PRKD3: variants seen among roughly 807,000 people sequenced by gnomAD.
PRKD3 encodes serine/threonine-protein kinase D3.
PRKD3 carries 47 observed loss-of-function variants against 99.2 expected under a neutral mutation model. The observed-to-expected ratio is 0.47, with a 90% confidence interval of 0.38 to 0.60. PRKD3 has a LOEUF of 0.60. PRKD3 is among the 20% of genes least tolerant of loss of function. The probability of loss-of-function intolerance (pLI) is 0.00; values close to 1 mark genes in which losing one functional copy is unlikely to be tolerated. For missense variants in PRKD3, 1,019 were observed against 1,088.4 expected, an observed-to-expected ratio of 0.94 and a Z score of 0.90; for synonymous variants, 392 against 355.4, an observed-to-expected ratio of 1.10 and a Z score of -1.16.
At chr2:37,266,421 G>A (rs1191556661) in intron 14 of PRKD3, among the ~76,000 whole-genome samples, 1 of 151,712 alleles carries the variant, frequency 6.6e-6, no homozygotes, top group East Asian at 1.9e-4. Flanking sequence ...TGCCTCCCAG[G>A]TACAAGTGAT....
At chr2:37,305,768 A>G (rs1671137104) in intron 2 of PRKD3, among the ~76,000 whole-genome samples, 1 of 152,246 alleles carries the variant, frequency 6.6e-6, no homozygotes, top group Non-Finnish European at 1.5e-5. Context: ...TGGGACTTTA[A>G]GATCACTACA....
At chr2:37,305,985 T>C (rs1229408853) in intron 2 of PRKD3, among the ~76,000 whole-genome samples, 1 of 151,838 alleles carries the variant, frequency 6.6e-6, no homozygotes, top group Non-Finnish European at 1.5e-5. Flanking sequence ...AGTGGCAGAA[T>C]AGCAACTACA....
At chr2:37,253,595 T>C (rs1667691212) in intron 18 of PRKD3, among the ~76,000 whole-genome samples, 1 of 152,146 alleles carries the variant, frequency 6.6e-6, no homozygotes, top group Non-Finnish European at 1.5e-5. Context: ...TTAAAAAAAA[T>C]TTGCTTCAGG....
intron 6 of PRKD3, among the ~76,000 whole-genome samples, chr2:37,283,035 C>T (rs1326237699): frequency 6.6e-6 from 1 of 152,204 alleles, no homozygotes; most frequent in Admixed American, 6.5e-5. Context: ...CTAATAAGGG[C>T]TTTCACATAC....
Position 37,316,217 on chromosome 2 carries a change from GATA to G in PRKD3, c.288+17_288+19del. 6.3e-7 allele frequency: 1 copy of G among 1,579,108 alleles called. No homozygotes were observed. On this transcript the variant is annotated intron_variant, in intron 2 of 18. Coordinates refer to ENST00000234179, the MANE Select transcript of PRKD3 (RefSeq NM_005813.6). ...ATCAGTAACAATATTATTTACTACT[GATA>G]ATAGCACACACAGTACCTTTTGATA...
At chr2:37,260,507 A>AG in intron 14 of PRKD3, 123 bp from the exon 15 acceptor site, 1 of 899,660 alleles carries the variant, frequency 1.1e-6, no homozygotes, top group Non-Finnish European at 1.7e-6. Context: ...AACAAAGCAA[A>AG]CAAAATAAAA....
intron 16 of PRKD3, among the ~76,000 whole-genome samples, chr2:37,257,671 G>GAAAAAA (rs1164110574): frequency 3.5e-5 from 1 of 28,534 alleles, no homozygotes; most frequent in African/African-American, 1.5e-4. Context: ...TGTCTCAAAA[G>GAAAAAA]AAAAAAAAAA....
chr2:37,257,546 G>T (rs1376321850), intron 16 of PRKD3, among the ~76,000 whole-genome samples: 1 of 151,634 alleles, frequency 6.6e-6, no homozygotes, highest in Non-Finnish European at 1.5e-5. Flanking sequence ...GGTGCCTGTA[G>T]TCCCAGCTAC....
intron 11 of PRKD3, among the ~76,000 whole-genome samples, chr2:37,273,001 G>A (rs1669373080): frequency 6.6e-6 from 1 of 151,904 alleles, no homozygotes; most frequent in African/African-American, 2.4e-5. Flanking sequence ...AGGGGGGGAA[G>A]TGGAGTCAAG....
Position 37,253,024 on chromosome 2 carries a change from T to G in PRKD3, c.*153A>C. 1 of 655,364 alleles carries G rather than the reference T, an allele frequency of 1.5e-6. No homozygotes were observed. Among genetic ancestry groups the G allele is most frequent in the Non-Finnish European group, 2.3e-6 (1 of 431,474 alleles). The allele number at this position is 655,364 out of a possible 1,614,324, so 40.6% of individuals were successfully genotyped here. A position where few individuals can be genotyped will look rare whatever the true frequency, so the allele number is the denominator to read the frequency against. ...TATTCAGTTTCCCGCCTGTACCTACTCATTATGAACTACAGTACTGGTGTC... is the reference window on the plus strand; with the variant it reads ...TATTCAGTTTCCCGCCTGTACCTACGCATTATGAACTACAGTACTGGTGTC... On this transcript the variant is annotated 3_prime_UTR_variant, in exon 19 of 19. Coordinates refer to ENST00000234179, the MANE Select transcript of PRKD3 (RefSeq NM_005813.6).
chr2:37,303,745 T>C (rs1366526188), intron 2 of PRKD3, among the ~76,000 whole-genome samples: 1 of 152,224 alleles, frequency 6.6e-6, no homozygotes, highest in East Asian at 1.9e-4. Context: ...CCAGCCAGTA[T>C]GTACTTTTTT....
At chr2:37,293,872 TTATC>T (rs1670558326) in intron 2 of PRKD3, among the ~76,000 whole-genome samples, 2 of 152,176 alleles carry the variant, frequency 1.3e-5, no homozygotes, top group Admixed American at 6.5e-5. Context: ...CAAAATAACT[TTATC>T]TAGTTGATTT....
intron 1 of PRKD3, chr2:37,317,654 CTT>C (rs940714925): frequency 6.6e-6 from 1 of 152,126 alleles, no homozygotes; most frequent in Non-Finnish European, 1.5e-5. Flanking sequence ...AAACATGACT[CTT>C]GACTTGCTTT....
At position 37,320,181 on chromosome 2, in the gene PRKD3, T is replaced by G. The variant is rs142889954; in HGVS notation, c.-655-3002A>C. Among the ~76,000 whole-genome samples the G allele has an allele frequency of 4.7e-3, 713 of 152,318 alleles. 19 individuals carry two copies. In the East Asian group the frequency reaches 0.062, roughly 13 times the overall value. ...AAAGAAACAAGAATTTTAGAGAAGC[T>G]GTTGTTTGCCTGTGACTATAGCTAG... On this transcript the variant is annotated intron_variant, in intron 1 of 18. Transcript: ENST00000234179.
chr2:37,317,619 T>A (rs1671720958), intron 1 of PRKD3, among the ~76,000 whole-genome samples: 1 of 152,210 alleles, frequency 6.6e-6, no homozygotes, highest in Non-Finnish European at 1.5e-5. Flanking sequence ...ATTCTTTTTT[T>A]AATATTACAA....
intron 14 of PRKD3, among the ~76,000 whole-genome samples, chr2:37,261,433 G>A (rs1341612499): frequency 6.6e-6 from 1 of 151,176 alleles, no homozygotes; most frequent in African/African-American, 2.4e-5. Context: ...GCTGCAGTGA[G>A]CCGAGATCAT....
chr2:37,318,899 AT>A (rs1447698392), intron 1 of PRKD3, among the ~76,000 whole-genome samples: 2 of 152,254 alleles, frequency 1.3e-5, no homozygotes, highest in Non-Finnish European at 2.9e-5. Context: ...AATTTCAGAA[AT>A]TACAAACATA....
Position 37,256,835 on chromosome 2 carries a change from A to C in PRKD3, c.2240T>G (p.Val747Gly). The C allele has an allele frequency of 6.2e-7, 1 of 1,613,970 alleles. No individual in the cohort carries two copies. The highest frequency in any genetic ancestry group is 8.5e-7 in the Non-Finnish European group (1 of 1,179,962). The change falls in exon 17 of 19, where the codon GTT becomes GGT. Residue 747 changes from valine to glycine, a missense_variant. Transcript: ENST00000234179. ...ACGGTTGTAACCTTTGCTCCGGAGA[A>C]CTTCAGGGGCTAAGTATGCTGGAGT... is the stretch of plus-strand genomic sequence containing the variant. ...VGTPAYLAPE[V>G]LRSKGYNRSL...
At position 37,272,362 on chromosome 2, in the gene PRKD3, G is replaced by C. The variant is rs1192128837; in HGVS notation, c.1704+18C>G. 1.9e-6 allele frequency: 3 copies of C among 1,601,136 alleles called. No individual in the cohort carries two copies. On this transcript the variant is annotated intron_variant, in intron 12 of 18. Coordinates refer to ENST00000234179, the MANE Select transcript of PRKD3 (RefSeq NM_005813.6). ...TTTTAATCACCCAGTTTACACATTA[G>C]CTATAACGATTACTTACCACATTCT...
Sources: allele counts gnomAD v4.1 joint callset (sites outside exome capture counted in the v4.1 genomes callset), GRCh38; gene constraint gnomAD v4.1.1; transcripts MANE v1.5; gene names NCBI Gene and HGNC (gene_info 2026-07-23, HGNC 2026-07-21).